The following ATL2 variants were observed in gnomAD, a reference collection of about 807,000 sequenced individuals.
The protein encoded by ATL2 is atlastin-2.
A neutral mutation model predicts 73.9 loss-of-function variants in ATL2; 31 were observed. The observed-to-expected ratio is 0.42, with a 90% confidence interval of 0.32 to 0.57. ATL2 has a LOEUF of 0.57. Among genes scored for constraint, ATL2 ranks in the 20% least tolerant of loss-of-function variants. The pLI is 0.14. For synonymous variants in ATL2, 291 were observed against 237.5 expected (o/e 1.23, Z -2.07); for missense variants, 738 against 702.6 (o/e 1.05, Z -0.57).
At chr2:38,342,704 A>T (rs1026343617) in intron 2 of ATL2, among the ~76,000 whole-genome samples, 1 of 152,214 alleles carries the variant, frequency 6.6e-6, no homozygotes, top group African/African-American at 2.4e-5. Context: ...TGAAGAAGTA[A>T]CAAAAAGGGA....
At chr2:38,349,050 T>C (rs1330568649) in intron 1 of ATL2, among the ~76,000 whole-genome samples, 14 of 150,418 alleles carry the variant, frequency 9.3e-5, no homozygotes, top group African/African-American at 2.4e-4. Context: ...TGTGGAGAAA[T>C]AGGAACACTT....
At chr2:38,350,305 G>C (rs1375880918) in intron 1 of ATL2, among the ~76,000 whole-genome samples, 3 of 152,118 alleles carry the variant, frequency 2.0e-5, no homozygotes, top group African/African-American at 7.2e-5. Context: ...AAAGCTAAAA[G>C]ACACCTAAAG....
At chr2:38,346,531 A>AAG (rs1670024468) in intron 1 of ATL2, among the ~76,000 whole-genome samples, 1 of 152,176 alleles carries the variant, frequency 6.6e-6, no homozygotes, top group Admixed American at 6.5e-5. Flanking sequence ...GGTTTCATGA[A>AAG]AGACAAGTTT....
Position 38,343,448 on chromosome 2 carries a change from T to C in ATL2, c.183A>G (p.Val61=). Residue 61 remains valine, a synonymous_variant, in exon 2 of 13, where the codon GTA becomes GTG. Transcript: ENST00000378954. ...CATCTTCATGAGCAAGAACAATCTGTACTGGACATGGTTTCTTCATAACCT... is the reference window on the plus strand; with the variant it reads ...CATCTTCATGAGCAAGAACAATCTGCACTGGACATGGTTTCTTCATAACCT... ...SDEVMKKPCP[V]QIVLAHEDDH... is the part of the protein sequence containing the mutation. The C allele has an allele frequency of 6.2e-7, 1 of 1,612,756 alleles. No homozygotes were observed. The highest frequency in any genetic ancestry group is 1.7e-5 in the Admixed American group (1 of 59,910).
chr2:38,352,290 T>G (rs1670403410), intron 1 of ATL2, among the ~76,000 whole-genome samples: 2 of 151,898 alleles, frequency 1.3e-5, no homozygotes, highest in Non-Finnish European at 2.9e-5. Flanking sequence ...GTCATTAGAG[T>G]AACTGGTATC....
rs1482756590 is a variant in ATL2 at position 38,296,082 on chromosome 2, T to A, written c.1664A>T (p.Glu555Val). The A allele has an allele frequency of 6.4e-7, 1 of 1,551,328 alleles. No homozygotes were observed. The highest frequency in any genetic ancestry group is 1.4e-5 in the African/African-American group (1 of 73,026). Residue 555 changes from glutamate (E) to valine (V), a missense_variant, in exon 13 of 13, where the codon GAG becomes GTG. Transcript: ENST00000378954. ...TGTTACAGACTGCCTTATGTTTTCC[T>A]CCATCAAATTATCACCCAGGGGCTT... ...VLKPLGDNLM[E>V]ENIRQSVTNS...
At chr2:38,327,540 C>CAAAAAAAAAAAAAAAAAAACAAA (rs56332855) in intron 2 of ATL2, among the ~76,000 whole-genome samples, 1 of 89,962 alleles carries the variant, frequency 1.1e-5, no homozygotes, top group Non-Finnish European at 2.4e-5. Flanking sequence ...AAAAAAAGTA[C>CAAAAAAAAAAAAAAAAAAACAAA]AAAAAAAAAA....
chr2:38,343,885 C>A (rs546721621), intron 1 of ATL2, among the ~76,000 whole-genome samples: 1 of 152,168 alleles, frequency 6.6e-6, no homozygotes, highest in Non-Finnish European at 1.5e-5. Flanking sequence ...GGTTTCCCTG[C>A]ACAAGCTCTC....
chr2:38,313,129 T>G, intron 7 of ATL2, 22 bp downstream of exon 7: 1 of 1,562,294 alleles, frequency 6.4e-7, no homozygotes, highest in South Asian at 1.1e-5. Context: ...TATGTTCTCC[T>G]CTTTAAGCAT....
intron 2 of ATL2, among the ~76,000 whole-genome samples, chr2:38,325,699 TACACACAC>T (rs1221635411): frequency 0.039 from 438 of 11,160 alleles, 15 homozygotes; most frequent in East Asian, 0.062. Context: ...CACACACCAG[TACACACAC>T]ACACACACAC....
At chr2:38,313,367 A>G in intron 6 of ATL2, 124 bp from the exon 7 acceptor site, 1 of 691,674 alleles carries the variant, frequency 1.4e-6, no homozygotes, top group Non-Finnish European at 2.4e-6. Flanking sequence ...AGTTATAGTA[A>G]CTAAATGGTC....
intron 7 of ATL2, 68 bp downstream of exon 7, chr2:38,313,083 G>C: frequency 9.1e-7 from 1 of 1,095,188 alleles, no homozygotes; most frequent in African/African-American, 1.6e-5. Context: ...GTGACCAGCA[G>C]TCCGGACAGC....
intron 1 of ATL2, among the ~76,000 whole-genome samples, chr2:38,358,116 C>T (rs1358241948): frequency 1.3e-5 from 2 of 152,080 alleles, no homozygotes; most frequent in Non-Finnish European, 1.5e-5. Context: ...AATTGCTGGT[C>T]CTCAGGATAT....
At chr2:38,345,679 G>A (rs1161377412) in intron 1 of ATL2, among the ~76,000 whole-genome samples, 1 of 152,202 alleles carries the variant, frequency 6.6e-6, no homozygotes, top group East Asian at 1.9e-4. Context: ...AGGAAAAGTT[G>A]CAATACAGTT....
chr2:38,322,792 T>G (rs996182846), intron 2 of ATL2, among the ~76,000 whole-genome samples: 2 of 152,128 alleles, frequency 1.3e-5, no homozygotes, highest in African/African-American at 4.8e-5. Context: ...GGCAGGAGGA[T>G]CACTTGAGCC....
At chr2:38,308,262 A>G (rs1183012050) in intron 9 of ATL2, among the ~76,000 whole-genome samples, 1 of 152,198 alleles carries the variant, frequency 6.6e-6, no homozygotes, top group East Asian at 1.9e-4. Flanking sequence ...ATGAAGTACT[A>G]CTCATCCATA....
At chr2:38,372,218 G>A (rs1266670094) in intron 1 of ATL2, among the ~76,000 whole-genome samples, 1 of 147,104 alleles carries the variant, frequency 6.8e-6, no homozygotes, top group Non-Finnish European at 1.5e-5. Flanking sequence ...ATACAGTCAA[G>A]TCAGCCCTCC....
At chr2:38,348,408 G>A (rs536292871) in intron 1 of ATL2, among the ~76,000 whole-genome samples, 1 of 151,794 alleles carries the variant, frequency 6.6e-6, no homozygotes, top group South Asian at 2.1e-4. Context: ...GGAGGTTGCG[G>A]TGAGCCAAGA....
At chr2:38,318,705 AATG>A in intron 3 of ATL2, 66 bp from the exon 4 acceptor site, 10 of 1,411,658 alleles carry the variant, frequency 7.1e-6, no homozygotes, top group Non-Finnish European at 9.6e-6. Context: ...AAAAAAATCA[AATG>A]ATAAATTTGA....
Sources: allele counts gnomAD v4.1 joint callset (sites outside exome capture counted in the v4.1 genomes callset), GRCh38; gene constraint gnomAD v4.1.1; transcripts MANE v1.5; gene names NCBI Gene and HGNC (gene_info 2026-07-23, HGNC 2026-07-21).